SGCZ: variants seen among roughly 807,000 people sequenced by gnomAD.
SGCZ encodes sarcoglycan zeta, also known as zeta-sarcoglycan.
SGCZ carries 40 observed loss-of-function variants against 41.3 expected under a neutral mutation model. The ratio of observed to expected loss-of-function variants is 0.97; its 90% CI spans 0.75 to 1.26. The LOEUF (loss-of-function observed/expected upper bound fraction) is 1.26, where lower values mean the gene tolerates loss of function less well. SGCZ is among the 50% of genes most tolerant of loss of function. SGCZ has a pLI of 0.00. For synonymous variants in SGCZ, 206 were observed against 137.5 expected (o/e 1.50, Z -3.49); for missense variants, 552 against 369.8 (o/e 1.49, Z -4.04).
At chr8:14,204,795 A>G (rs1204890081) in intron 4 of SGCZ, among the ~76,000 whole-genome samples, 2 of 147,948 alleles carry the variant, frequency 1.4e-5, no homozygotes, top group Non-Finnish European at 3.0e-5. Context: ...TGGCCTTTCA[A>G]CTGTGAGACC....
intron 2 of SGCZ, among the ~76,000 whole-genome samples, chr8:14,385,824 G>C (rs925681357): frequency 6.6e-6 from 1 of 152,140 alleles, no homozygotes; most frequent in African/African-American, 2.4e-5. Context: ...TCACTCCTTA[G>C]TATCTGACAG....
intron 2 of SGCZ, among the ~76,000 whole-genome samples, chr8:14,518,919 A>G (rs1464726840): frequency 6.6e-6 from 1 of 151,424 alleles, no homozygotes; most frequent in African/African-American, 2.4e-5. Flanking sequence ...AAATACAAAA[A>G]TTAGCCAGGT....
chr8:14,286,535 C>G lies in SGCZ; in HGVS notation c.336+37568G>C, dbSNP rs190337782. Among the ~76,000 whole-genome samples, 31 of 152,214 alleles carry G rather than the reference C, an allele frequency of 2.0e-4. No homozygotes were observed. In the East Asian group the frequency reaches 5.8e-3, roughly 28 times the overall value. On this transcript the variant is annotated intron_variant, in intron 3 of 7. Transcript: ENST00000382080. Reference sequence around the variant, plus strand: ...TGAGGTTGTACCCGAGTTTAAATGACAGCAGTAGTTTATATCTAACAATAT... The same window carrying G: ...TGAGGTTGTACCCGAGTTTAAATGAGAGCAGTAGTTTATATCTAACAATAT...
At chr8:14,931,657 A>G (rs1799925487) in intron 1 of SGCZ, among the ~76,000 whole-genome samples, 1 of 152,064 alleles carries the variant, frequency 6.6e-6, no homozygotes, top group African/African-American at 2.4e-5. Flanking sequence ...GATTGAATAA[A>G]TTAATGTTAC....
intron 1 of SGCZ, among the ~76,000 whole-genome samples, chr8:14,982,081 C>T (rs778234790): frequency 3.3e-5 from 5 of 150,764 alleles, no homozygotes; most frequent in South Asian, 2.1e-4. Context: ...ACCCAGGAGG[C>T]GGAGTTTGCA....
chr8:14,729,486 G>A (rs1195826546), intron 1 of SGCZ, among the ~76,000 whole-genome samples: 4 of 152,086 alleles, frequency 2.6e-5, no homozygotes, highest in African/African-American at 9.7e-5. Flanking sequence ...AACACGACTG[G>A]TGTCTTTAAA....
chr8:14,479,098 G>A (rs1801447140), intron 2 of SGCZ, among the ~76,000 whole-genome samples: 2 of 152,172 alleles, frequency 1.3e-5, no homozygotes, highest in South Asian at 4.1e-4. Context: ...TGACTCACAG[G>A]ATCACAGGGT....
chr8:14,130,252 G>A (rs1802996825), intron 5 of SGCZ, among the ~76,000 whole-genome samples: 1 of 151,414 alleles, frequency 6.6e-6, no homozygotes, highest in South Asian at 2.1e-4. Flanking sequence ...TAATTACGGT[G>A]CAAAATAAGA....
chr8:15,153,902 C>T (rs1474261244), intron 1 of SGCZ, among the ~76,000 whole-genome samples: 1 of 152,046 alleles, frequency 6.6e-6, no homozygotes, highest in Non-Finnish European at 1.5e-5. Context: ...TTGTGGAAGA[C>T]AAGTTTTCCA....
chr8:14,418,384 C>T (rs997970032), intron 2 of SGCZ, among the ~76,000 whole-genome samples: 1 of 151,800 alleles, frequency 6.6e-6, no homozygotes, highest in Non-Finnish European at 1.5e-5. Flanking sequence ...AAAGGGGATT[C>T]CTGAGAGATA....
intron 2 of SGCZ, among the ~76,000 whole-genome samples, chr8:14,524,717 C>T (rs968006760): frequency 1.3e-5 from 2 of 152,058 alleles, no homozygotes; most frequent in Non-Finnish European, 2.9e-5. Context: ...CTTCTCTGCA[C>T]GGTTTTTAAT....
chr8:14,471,651 C>A (rs376956391), intron 2 of SGCZ, among the ~76,000 whole-genome samples: 1 of 152,116 alleles, frequency 6.6e-6, no homozygotes, highest in East Asian at 1.9e-4. Flanking sequence ...AATGTCACAT[C>A]AGCTACATAA....
At chr8:15,139,633 C>T (rs1248257969) in intron 1 of SGCZ, among the ~76,000 whole-genome samples, 1 of 152,018 alleles carries the variant, frequency 6.6e-6, no homozygotes, top group African/African-American at 2.4e-5. Context: ...ACAAAACCAG[C>T]TAAAGTCTAC....
intron 1 of SGCZ, among the ~76,000 whole-genome samples, chr8:14,984,670 T>C (rs1801773139): frequency 6.6e-6 from 1 of 152,220 alleles, no homozygotes; most frequent in African/African-American, 2.4e-5. Context: ...CATGATTTTC[T>C]GGCAATACAT....
chr8:14,594,954 G>C (rs1805360973), intron 1 of SGCZ, among the ~76,000 whole-genome samples: 2 of 151,838 alleles, frequency 1.3e-5, no homozygotes, highest in African/African-American at 2.4e-5. Context: ...AAGGAGAAAA[G>C]GAGAAATTTC....
chr8:15,143,335 T>A (rs558521133), intron 1 of SGCZ, among the ~76,000 whole-genome samples: 2 of 152,310 alleles, frequency 1.3e-5, no homozygotes, highest in East Asian at 3.9e-4. Flanking sequence ...TTGAAAAATA[T>A]CTATTGAAAG....
In SGCZ at chr8:14,418,099, A is replaced by G. The variant is rs190114601; in HGVS notation, c.235-93895T>C. ...TGTTGTGAATTCAAGGTGAATGAGT[A>G]AAGACACACGCCCTGCCTTCACTGG... On this transcript the variant is annotated intron_variant, in intron 2 of 7. Coordinates refer to ENST00000382080, the MANE Select transcript of SGCZ (RefSeq NM_139167.4). 6.9e-4 allele frequency among the ~76,000 whole-genome samples: 105 copies of G among 152,050 alleles called. 1 individual carries two copies. In the Middle Eastern group the frequency reaches 0.02, roughly 30 times the overall value.
At chr8:14,544,151 C>T (rs534533272) in intron 2 of SGCZ, among the ~76,000 whole-genome samples, 1 of 152,096 alleles carries the variant, frequency 6.6e-6, no homozygotes, top group South Asian at 2.1e-4. Flanking sequence ...AACATAAATT[C>T]TGAAAATTTC....
rs928848983 is a variant in SGCZ at position 14,455,302 on chromosome 8, A to C, written c.234+99430T>G. On this transcript the variant is annotated intron_variant, in intron 2 of 7. Coordinates refer to ENST00000382080, the MANE Select transcript of SGCZ (RefSeq NM_139167.4). ...AAAAAATCATAGTTAAGGAAATGTA[A>C]TTTAAAACATAACTAAGGTACTGTT... 2.6e-5 allele frequency among the ~76,000 whole-genome samples: 4 copies of C among 152,172 alleles called. No individual in the cohort carries two copies. The East Asian group carries it at 5.8e-4, about 22-fold the overall frequency.
Sources: allele counts gnomAD v4.1 joint callset (sites outside exome capture counted in the v4.1 genomes callset), GRCh38; gene constraint gnomAD v4.1.1; transcripts MANE v1.5; gene names NCBI Gene and HGNC (gene_info 2026-07-23, HGNC 2026-07-21).